ASTN2: variants seen among roughly 807,000 people sequenced by gnomAD.
ASTN2 encodes astrotactin-2.
Under a neutral mutation model 139.8 loss-of-function variants are expected in ASTN2, and 54 were observed. That is an observed-to-expected ratio of 0.39 (90% CI 0.31 to 0.48). The LOEUF (loss-of-function observed/expected upper bound fraction) is 0.48, where lower values mean the gene tolerates loss of function less well. Among genes scored for constraint, ASTN2 ranks in the 20% least tolerant of loss-of-function variants. The probability of loss-of-function intolerance (pLI) is 0.95; values close to 1 mark genes in which losing one functional copy is unlikely to be tolerated. For missense variants in ASTN2, 1,565 were observed against 1,725.1 expected (o/e 0.91, Z 1.64); for synonymous variants, 756 against 719.5 (o/e 1.05, Z -0.81).
At chr9:117,328,844 C>A (rs1397640332) in intron 1 of ASTN2, among the ~76,000 whole-genome samples, 1 of 152,158 alleles carries the variant, frequency 6.6e-6, no homozygotes, top group East Asian at 1.9e-4. Context: ...GATGGCAAAT[C>A]CCCTATAGAG....
intron 19 of ASTN2, among the ~76,000 whole-genome samples, chr9:116,493,867 C>A (rs1861882): frequency 0.32 from 49,047 of 151,958 alleles, 8,548 homozygotes; most frequent in East Asian, 0.53. Context: ...CAGGGCTCCA[C>A]ACTCTTTTCG....
intron 1 of ASTN2, among the ~76,000 whole-genome samples, chr9:117,303,735 C>G (rs1243521231): frequency 6.6e-6 from 1 of 152,220 alleles, no homozygotes; most frequent in East Asian, 1.9e-4. Context: ...GTCAACAGCT[C>G]TCCTCCTCTT....
In ASTN2 at chr9:117,169,613, A is replaced by T. The variant is rs28410800; in HGVS notation, c.1016-28135T>A. Among the ~76,000 whole-genome samples, 677 of 152,262 alleles carry T rather than the reference A, an allele frequency of 4.4e-3. 5 individuals carry two copies. The highest frequency in any genetic ancestry group is 0.015 in the African/African-American group (633 of 41,552). On this transcript the variant is annotated intron_variant, in intron 3 of 22. Transcript: ENST00000313400. The stretch of plus-strand genomic sequence containing the variant: ...ATGCGGCAGAAGGAAGCCACTAGAA[A>T]AAAGGGCAGAGAATTGCCAACACAC...
chr9:117,280,732 G>T (rs1316431332), intron 2 of ASTN2, among the ~76,000 whole-genome samples: 1 of 152,064 alleles, frequency 6.6e-6, no homozygotes, highest in East Asian at 1.9e-4. Flanking sequence ...ATGGTAATTT[G>T]TCACGGCAGC....
chr9:117,303,860 T>C (rs1311038838), intron 1 of ASTN2, among the ~76,000 whole-genome samples: 2 of 152,166 alleles, frequency 1.3e-5, no homozygotes, highest in African/African-American at 4.8e-5. Context: ...AATGGGAAAA[T>C]GACGAAAGTG....
At position 117,291,460 on chromosome 9, in the gene ASTN2, G is replaced by T; in HGVS notation, c.496C>A (p.Leu166Met). Reference sequence around the variant, plus strand: ...TGGAAGTACAAGGTGCCATTCTCCAGCCACTGCTGTCTCCAGTGCACCAGC... The same window carrying T: ...TGGAAGTACAAGGTGCCATTCTCCATCCACTGCTGTCTCCAGTGCACCAGC... ...ISLVHWRQQW[L>M]ENGTLYFHVS... Residue 166 changes from leucine to methionine, a missense_variant, in exon 2 of 23, where the codon CTG (leucine) becomes ATG (methionine). This residue lies in a region of ASTN2 where 596 missense variants were observed against 576.8 expected (regional missense o/e 1.03). Transcript: ENST00000313400. 1 of 1,614,014 alleles carries T rather than the reference G, an allele frequency of 6.2e-7. No homozygotes were observed. Among genetic ancestry groups the T allele is most frequent in the Middle Eastern group, 1.7e-4 (1 of 6,060 alleles).
chr9:116,759,715 T>C (rs1829626610), intron 13 of ASTN2, among the ~76,000 whole-genome samples: 1 of 152,204 alleles, frequency 6.6e-6, no homozygotes, highest in South Asian at 2.1e-4. Context: ...TTATTTTTCT[T>C]TATATCACTT....
intron 6 of ASTN2, among the ~76,000 whole-genome samples, chr9:117,032,118 G>A (rs1401629514): frequency 6.6e-6 from 1 of 152,112 alleles, no homozygotes; most frequent in African/African-American, 2.4e-5. Context: ...TCATTAGAAA[G>A]GCACAAATAT....
chr9:117,093,292 C>G (rs975983738), intron 5 of ASTN2, among the ~76,000 whole-genome samples: 1 of 152,212 alleles, frequency 6.6e-6, no homozygotes, highest in African/African-American at 2.4e-5. Context: ...ATTTCTCTCC[C>G]TCCCTATCTC....
intron 19 of ASTN2, among the ~76,000 whole-genome samples, chr9:116,592,440 C>T (rs187561680): frequency 1.3e-3 from 200 of 152,082 alleles, no homozygotes; most frequent in Non-Finnish European, 2.4e-3. Context: ...ACAAGAACAG[C>T]CACAAAGGGG....
At chr9:116,781,609 G>C (rs113942145) in intron 13 of ASTN2, among the ~76,000 whole-genome samples, 1 of 152,140 alleles carries the variant, frequency 6.6e-6, no homozygotes, top group East Asian at 1.9e-4. Context: ...AATTAGAACT[G>C]TTATTAGTCT....
At chr9:116,828,283 AGAGC>A (rs1161939616) in intron 11 of ASTN2, among the ~76,000 whole-genome samples, 1 of 138,688 alleles carries the variant, frequency 7.2e-6, no homozygotes, top group Non-Finnish European at 1.5e-5. Context: ...CCTGGGCAAC[AGAGC>A]GAGACTCCGT....
rs1564406390 is a variant in ASTN2 at position 117,060,399 on chromosome 9, AAAGAAAGAAAG to A, written c.1277-20445_1277-20435del. Among the ~76,000 whole-genome samples the A allele has an allele frequency of 1.1e-3, 90 of 78,998 alleles. 4 individuals are homozygous for A. The highest frequency in any genetic ancestry group is 5.5e-3 in the African/African-American group (84 of 15,150). 51.8% of individuals were successfully genotyped at this position (78,998 alleles called of 152,430 possible). A position where few individuals can be genotyped will look rare whatever the true frequency, so the allele number is the denominator to read the frequency against. ...GAAAGAAAGAAAGAAAGAAAGAAAG[AAAGAAAGAAAG>A]AAGGAAAGGAAGGAAGGAAGGAAGA... is the stretch of plus-strand genomic sequence containing the variant. On this transcript the variant is annotated intron_variant, in intron 5 of 22. Transcript: ENST00000313400.
At chr9:116,954,853 G>A (rs1835667106) in intron 10 of ASTN2, among the ~76,000 whole-genome samples, 1 of 152,182 alleles carries the variant, frequency 6.6e-6, no homozygotes, top group Non-Finnish European at 1.5e-5. Context: ...TTAGGAACTT[G>A]TTAGACATTC....
intron 22 of ASTN2, among the ~76,000 whole-genome samples, chr9:116,430,000 A>AG (rs912676957): frequency 6.6e-6 from 1 of 152,210 alleles, no homozygotes; most frequent in Non-Finnish European, 1.5e-5. Flanking sequence ...AGTTGTTTGA[A>AG]ATAACCAGTG....
At chr9:116,475,993 A>G (rs1848968462) in intron 20 of ASTN2, among the ~76,000 whole-genome samples, 1 of 152,194 alleles carries the variant, frequency 6.6e-6, no homozygotes, top group South Asian at 2.1e-4. Context: ...TCTTAGGGCT[A>G]CCATTAAAAG....
At chr9:116,526,089 C>T (rs1416973893) in intron 19 of ASTN2, among the ~76,000 whole-genome samples, 1 of 152,204 alleles carries the variant, frequency 6.6e-6, no homozygotes, top group Non-Finnish European at 1.5e-5. Flanking sequence ...TTATCCAAAA[C>T]CTCCTCACAG....
intron 22 of ASTN2, among the ~76,000 whole-genome samples, chr9:116,436,517 T>C (rs544519395): frequency 3.9e-5 from 6 of 152,322 alleles, no homozygotes; most frequent in African/African-American, 7.2e-5. Flanking sequence ...TAACTATACA[T>C]AGTTTACATT....
At chr9:117,065,904 T>C (rs901527276) in intron 5 of ASTN2, among the ~76,000 whole-genome samples, 1 of 152,160 alleles carries the variant, frequency 6.6e-6, no homozygotes. Context: ...TCTTCGTAAG[T>C]ATCTTAATGT....
Sources: gnomAD v4.1 joint callset for allele counts (sites outside exome capture counted in the v4.1 genomes callset) on GRCh38, gnomAD v4.1.1 for gene constraint, gnomAD v4.1.1 regional missense constraint, MANE v1.5 for transcripts, NCBI Gene and HGNC (gene_info 2026-07-23, HGNC 2026-07-21) for gene names.